SIPA1L1: variants seen among roughly 807,000 people sequenced by gnomAD.
SIPA1L1 encodes signal induced proliferation associated 1 like 1, also known as signal-induced proliferation-associated 1-like protein 1.
Under a neutral mutation model 162.7 loss-of-function variants are expected in SIPA1L1, and 26 were observed. The observed-to-expected ratio is 0.16, with a 90% CI of 0.12 to 0.22. The LOEUF (loss-of-function observed/expected upper bound fraction) is 0.22, where lower values mean the gene tolerates loss of function less well. SIPA1L1 is among the 10% of genes least tolerant of loss of function. The pLI, the probability that SIPA1L1 is intolerant of heterozygous loss-of-function variation, is 1.00. For synonymous variants in SIPA1L1, 829 were observed against 837.4 expected (o/e 0.99, Z 0.17); for missense variants, 1,874 against 2,241.0 (o/e 0.84, Z 3.31).
intron 2 of SIPA1L1, among the ~76,000 whole-genome samples, chr14:71,414,395 A>C (rs1656445826): frequency 6.6e-6 from 1 of 151,998 alleles, no homozygotes; most frequent in African/African-American, 2.4e-5. Flanking sequence ...AAAAAACAAA[A>C]ACAAAAACAA....
At chr14:71,551,447 A>T (rs1333379892) in intron 4 of SIPA1L1, among the ~76,000 whole-genome samples, 1 of 152,228 alleles carries the variant, frequency 6.6e-6, no homozygotes, top group African/African-American at 2.4e-5. Flanking sequence ...CTAAGCATTC[A>T]GCAGTTATCC....
intron 7 of SIPA1L1, among the ~76,000 whole-genome samples, chr14:71,627,874 A>G (rs1002306066): frequency 9.2e-5 from 14 of 152,218 alleles, no homozygotes; most frequent in African/African-American, 3.4e-4. Flanking sequence ...CCAAGATCCC[A>G]TTTACATATC....
At chr14:71,498,388 C>T (rs144081475) in intron 2 of SIPA1L1, among the ~76,000 whole-genome samples, 1 of 152,176 alleles carries the variant, frequency 6.6e-6, no homozygotes, top group East Asian at 1.9e-4. Flanking sequence ...CACTTCCATT[C>T]GGTTTTTGGT....
chr14:71,724,572 CTATTGACTTA>C (rs989563605), intron 18 of SIPA1L1, 88 bp from the exon 19 acceptor site: 16 of 893,546 alleles, frequency 1.8e-5, no homozygotes, highest in Admixed American at 1.7e-4. Context: ...TAATATTTCT[CTATTGACTTA>C]TATTGACTTA....
intron 7 of SIPA1L1, among the ~76,000 whole-genome samples, chr14:71,641,470 C>A (rs1042859232): frequency 6.6e-6 from 1 of 152,170 alleles, no homozygotes; most frequent in Non-Finnish European, 1.5e-5. Context: ...TGCCTGTAAT[C>A]CCAGCACTTT....
At position 71,689,428 on chromosome 14, in the gene SIPA1L1, G is replaced by A. The variant is rs185285795; in HGVS notation, c.3374+3797G>A. On this transcript the variant is annotated intron_variant, in intron 13 of 23. Coordinates refer to ENST00000381232, the MANE Select transcript of SIPA1L1 (RefSeq NM_001386936.1). Reference sequence around the variant, plus strand: ...TCAACAGAAATAGGTAATATGATACGGTCACTATTTTGGCCTCAAATTTAC... The same window carrying A: ...TCAACAGAAATAGGTAATATGATACAGTCACTATTTTGGCCTCAAATTTAC... Among the ~76,000 whole-genome samples, 8 of 152,232 alleles carry A rather than the reference G, an allele frequency of 5.3e-5. No homozygotes were observed. In the East Asian group the frequency reaches 1.3e-3, roughly 26 times the overall value.
intron 2 of SIPA1L1, among the ~76,000 whole-genome samples, chr14:71,494,372 T>A (rs892483404): frequency 5.9e-5 from 9 of 152,130 alleles, no homozygotes; most frequent in African/African-American, 2.2e-4. Flanking sequence ...TATATTGATA[T>A]AATCGTGTGG....
intron 7 of SIPA1L1, among the ~76,000 whole-genome samples, chr14:71,627,872 C>T (rs1019375892): frequency 1.3e-5 from 2 of 152,094 alleles, no homozygotes; most frequent in African/African-American, 4.8e-5. Flanking sequence ...TTCCAAGATC[C>T]CATTTACATA....
intron 2 of SIPA1L1, among the ~76,000 whole-genome samples, chr14:71,509,985 G>A (rs999408016): frequency 3.3e-5 from 5 of 151,972 alleles, no homozygotes; most frequent in Non-Finnish European, 7.4e-5. Flanking sequence ...TGTTAATAAA[G>A]TTTCAACTTG....
chr14:71,653,244 T>TGGC (rs2042777046), intron 8 of SIPA1L1, among the ~76,000 whole-genome samples: 1 of 152,310 alleles, frequency 6.6e-6, no homozygotes, highest in East Asian at 1.9e-4. Flanking sequence ...GTGTCTACTG[T>TGGC]GGCTGTTCAG....
chr14:71,642,085 C>G (rs1243526150), intron 7 of SIPA1L1, among the ~76,000 whole-genome samples: 1 of 152,202 alleles, frequency 6.6e-6, no homozygotes, highest in African/African-American at 2.4e-5. Context: ...GTAAGAGGGA[C>G]TGCATTTAAC....
intron 2 of SIPA1L1, among the ~76,000 whole-genome samples, chr14:71,365,074 T>A (rs1458214349): frequency 6.6e-6 from 1 of 152,012 alleles, no homozygotes; most frequent in Non-Finnish European, 1.5e-5. Flanking sequence ...TTGCCCAGGC[T>A]GGAGTGTAGT....
Position 71,698,988 on chromosome 14 carries a change from C to T in SIPA1L1, c.3382C>T (p.Pro1128Ser), listed in dbSNP as rs1010246963. The T allele has an allele frequency of 3.7e-6, 6 of 1,614,064 alleles. No homozygotes were observed. In the African/African-American group the frequency reaches 8.0e-5, roughly 22 times the overall value. ...TTTGTATTGCACATGCAGGCTGTCT[C>T]CTGGTTCGGACATCTATGTGACGGT... ...DGRPLERRLS[P>S]GSDIYVTVSS... The change falls in exon 14 of 24, where the codon CCT (proline) becomes TCT (serine). Residue 1128 changes from proline (P) to serine (S), a missense_variant. This residue lies in a region of SIPA1L1 where 936 missense variants were observed against 1,051.9 expected (regional missense o/e 0.89). Transcript: ENST00000381232.
intron 2 of SIPA1L1, among the ~76,000 whole-genome samples, chr14:71,464,126 A>G (rs576387659): frequency 6.6e-6 from 1 of 152,270 alleles, no homozygotes; most frequent in Non-Finnish European, 1.5e-5. Context: ...GGTCAAGGGT[A>G]TATCTTCTGG....
intron 3 of SIPA1L1, among the ~76,000 whole-genome samples, chr14:71,518,840 G>T (rs966662674): frequency 5.3e-5 from 8 of 152,052 alleles, no homozygotes; most frequent in Non-Finnish European, 1.2e-4. Flanking sequence ...GGTTTAATTG[G>T]ACTTACAGTT....
At chr14:71,713,522 C>T (rs2083035759) in intron 17 of SIPA1L1, among the ~76,000 whole-genome samples, 1 of 152,206 alleles carries the variant, frequency 6.6e-6, no homozygotes, top group South Asian at 2.1e-4. Context: ...CAGTGTCTGA[C>T]ATTATCACTG....
intron 2 of SIPA1L1, among the ~76,000 whole-genome samples, chr14:71,511,292 C>G (rs187733697): frequency 6.6e-6 from 1 of 152,132 alleles, no homozygotes; most frequent in East Asian, 1.9e-4. Flanking sequence ...CCCCCTCCCC[C>G]GCCTTTCCTT....
rs754374183 is a variant in SIPA1L1, at chr14:71,377,692, G to A, written c.-465+56511G>A. 6.6e-6 allele frequency among the ~76,000 whole-genome samples: 1 copy of A among 152,238 alleles called. No individual in the cohort carries two copies. The highest frequency in any genetic ancestry group is 1.5e-5 in the Non-Finnish European group (1 of 68,038). ...TGCACTCCAGCGTGGGCAACATTGA[G>A]CACTGAGTGAGTGAGACTCCGTCTG... On this transcript the variant is annotated intron_variant, in intron 2 of 23. Coordinates refer to ENST00000381232, the MANE Select transcript of SIPA1L1 (RefSeq NM_001386936.1). The surrounding 1 kb of genome is among the most constrained non-coding windows in gnomAD (Gnocchi z 4.8).
At chr14:71,519,769 G>A (rs958588824) in intron 3 of SIPA1L1, among the ~76,000 whole-genome samples, 18 of 151,618 alleles carry the variant, frequency 1.2e-4, no homozygotes, top group African/African-American at 4.1e-4. Flanking sequence ...GAGTTTGAGT[G>A]AGTTATGATC....
Sources: gnomAD v4.1 joint callset for allele counts (sites outside exome capture counted in the v4.1 genomes callset) on GRCh38, gnomAD v4.1.1 for gene constraint, gnomAD v4.1.1 regional missense constraint, Gnocchi (gnomAD v3.1) non-coding constraint, MANE v1.5 for transcripts, NCBI Gene and HGNC (gene_info 2026-07-23, HGNC 2026-07-21) for gene names.